IL1RAPL1: variants seen among roughly 807,000 people sequenced by gnomAD.
IL1RAPL1 encodes the protein interleukin-1 receptor accessory protein-like 1.
A neutral mutation model predicts 48.4 loss-of-function variants in IL1RAPL1; 3 were observed. The observed-to-expected ratio is 0.06, with a 90% confidence interval of 0.03 to 0.16. The LOEUF is 0.16. Ranked by LOEUF, IL1RAPL1 falls within the 10% of genes least tolerant of loss-of-function variation. The pLI, the probability that IL1RAPL1 is intolerant of heterozygous loss-of-function variation, is 1.00. For synonymous variants in IL1RAPL1, 185 were observed against 187.7 expected, an observed-to-expected ratio of 0.99 and a Z score of 0.12; for missense variants, 349 against 530.6, an observed-to-expected ratio of 0.66 and a Z score of 3.36.
chrX:29,834,473 A>C (rs1309109137), intron 6 of IL1RAPL1, among the ~76,000 whole-genome samples: 1 of 106,404 alleles, frequency 9.4e-6, no homozygotes, highest in Non-Finnish European at 1.9e-5. Flanking sequence ...CCTTGCCAAG[A>C]GGCTGTGAAA....
intron 5 of IL1RAPL1, among the ~76,000 whole-genome samples, chrX:29,490,404 A>C (rs1286901573): frequency 1.8e-5 from 2 of 110,293 alleles, no homozygotes; most frequent in African/African-American, 6.6e-5. Context: ...GTGGTGACAC[A>C]TGCCAGTAAT....
chrX:29,605,152 GGA>G (rs1268054482), intron 5 of IL1RAPL1, among the ~76,000 whole-genome samples: 5 of 101,004 alleles, frequency 5.0e-5, no homozygotes, highest in Non-Finnish European at 8.2e-5. Context: ...AGGGAAGGAG[GGA>G]GAGAGAGAGA....
intron 6 of IL1RAPL1, among the ~76,000 whole-genome samples, chrX:29,833,702 T>C (rs1930930177): frequency 8.9e-6 from 1 of 111,873 alleles, no homozygotes; most frequent in Admixed American, 9.5e-5. Flanking sequence ...GAGAAAATTC[T>C]GGTTAATAGT....
At chrX:29,130,654 T>C (rs766820978) in intron 2 of IL1RAPL1, among the ~76,000 whole-genome samples, 8 of 111,931 alleles carry the variant, frequency 7.1e-5, no homozygotes, top group Non-Finnish European at 1.3e-4. Flanking sequence ...CCTCTTGGAC[T>C]AAGATACAAA....
At chrX:28,937,173 A>G (rs764194075) in intron 2 of IL1RAPL1, among the ~76,000 whole-genome samples, 19 of 111,801 alleles carry the variant, frequency 1.7e-4, no homozygotes, top group Non-Finnish European at 3.6e-4. Context: ...TCTGAAAACA[A>G]TAAATAACAT....
intron 5 of IL1RAPL1, among the ~76,000 whole-genome samples, chrX:29,451,010 T>G (rs1934672335): frequency 9.1e-6 from 1 of 109,396 alleles, no homozygotes; most frequent in South Asian, 3.9e-4. Context: ...GTGACACTAA[T>G]AATTGATCAG....
intron 5 of IL1RAPL1, among the ~76,000 whole-genome samples, chrX:29,413,467 TA>T (rs1198353931): frequency 9.2e-6 from 1 of 109,176 alleles, no homozygotes; most frequent in Non-Finnish European, 1.9e-5. Flanking sequence ...ACTCGTCATT[TA>T]ACATTAGGTA....
chrX:28,611,401 G>A (rs1046495442), intron 1 of IL1RAPL1, among the ~76,000 whole-genome samples: 3 of 111,742 alleles, frequency 2.7e-5, no homozygotes, highest in South Asian at 7.5e-4. Flanking sequence ...TCTCTTGCCC[G>A]AGGGAGTTTA....
chrX:29,164,456 G>A (rs1275208410), intron 2 of IL1RAPL1, among the ~76,000 whole-genome samples: 4 of 111,871 alleles, frequency 3.6e-5, no homozygotes, highest in Non-Finnish European at 7.5e-5. Flanking sequence ...AATGAATGTT[G>A]ACTTAGCCCT....
chrX:28,604,499 C>G (rs1265367007), intron 1 of IL1RAPL1, among the ~76,000 whole-genome samples: 2 of 110,444 alleles, frequency 1.8e-5, no homozygotes, highest in Admixed American at 9.7e-5. Flanking sequence ...GAGGCCGAGG[C>G]GGGTGGATCA....
intron 3 of IL1RAPL1, among the ~76,000 whole-genome samples, chrX:29,333,585 AC>A (rs1466297973): frequency 1.4e-5 from 1 of 70,888 alleles, no homozygotes; most frequent in Non-Finnish European, 2.7e-5. Flanking sequence ...CGGGGGGCTG[AC>A]CCCCCCACCT....
intron 2 of IL1RAPL1, among the ~76,000 whole-genome samples, chrX:28,947,097 C>T (rs980638934): frequency 4.5e-5 from 5 of 111,297 alleles, no homozygotes; most frequent in Non-Finnish European, 9.4e-5. Flanking sequence ...TGTTGGATAC[C>T]GTTGCTTTCT....
At chrX:29,087,371 C>T (rs767800827) in intron 2 of IL1RAPL1, among the ~76,000 whole-genome samples, 6 of 110,139 alleles carry the variant, frequency 5.4e-5, no homozygotes, top group South Asian at 3.9e-4. Context: ...CTCTTGACCT[C>T]GTGATCTGCC....
chrX:29,201,813 T>C (rs773640573), intron 2 of IL1RAPL1, among the ~76,000 whole-genome samples: 1 of 110,605 alleles, frequency 9.0e-6, no homozygotes, highest in African/African-American at 3.3e-5. Context: ...TGCCTCAGCC[T>C]CCCGAGTAGC....
At chrX:29,895,581 G>T (rs1932368232) in intron 6 of IL1RAPL1, among the ~76,000 whole-genome samples, 1 of 112,407 alleles carries the variant, frequency 8.9e-6, no homozygotes, top group Non-Finnish European at 1.9e-5. Context: ...ATACGAATTG[G>T]GCTGCTATTA....
intron 2 of IL1RAPL1, among the ~76,000 whole-genome samples, chrX:28,861,868 A>AT (rs71893355): frequency 2.0e-4 from 21 of 106,756 alleles, no homozygotes; most frequent in South Asian, 4.0e-4. Context: ...TTAATTTTCT[A>AT]TTTTTTTTTT....
chrX:29,352,583 C>T (rs1412148436), intron 3 of IL1RAPL1, among the ~76,000 whole-genome samples: 1 of 109,934 alleles, frequency 9.1e-6, no homozygotes, highest in East Asian at 2.8e-4. Flanking sequence ...TAGAGGTTCT[C>T]TCCAATTTGA....
chrX:29,800,730 A>T (rs190433096), intron 6 of IL1RAPL1, among the ~76,000 whole-genome samples: 91 of 106,062 alleles, frequency 8.6e-4, no homozygotes, highest in African/African-American at 3.0e-3. Flanking sequence ...CACGCCTGTA[A>T]TCCCAGCACT....
At chrX:29,631,184 T>C (rs930127565) in intron 5 of IL1RAPL1, among the ~76,000 whole-genome samples, 4 of 111,875 alleles carry the variant, frequency 3.6e-5, no homozygotes, top group African/African-American at 1.3e-4. Flanking sequence ...TCCAACATGA[T>C]TTTATTTATT....
Sources: gnomAD v4.1 joint callset for allele counts (sites outside exome capture counted in the v4.1 genomes callset) on GRCh38, gnomAD v4.1.1 for gene constraint, MANE v1.5 for transcripts, NCBI Gene and HGNC (gene_info 2026-07-23, HGNC 2026-07-21) for gene names.